Variants in DIPK2A observed in about 807,000 individuals in gnomAD.
DIPK2A encodes divergent protein kinase domain 2A, also known as Golgi Protein of 49 kDa.
In DIPK2A, 27 loss-of-function variants were observed where a neutral mutation model predicts 39.0. The observed-to-expected ratio is 0.69, with a 90% CI of 0.51 to 0.96. The LOEUF (loss-of-function observed/expected upper bound fraction) is 0.96. Among genes scored for constraint, DIPK2A ranks in the 40% least tolerant of loss-of-function variants. The pLI, the probability that DIPK2A is intolerant of heterozygous loss-of-function variation, is 0.00. For missense variants in DIPK2A, 528 were observed against 571.3 expected, an observed-to-expected ratio of 0.92 and a Z score of 0.77; for synonymous variants, 298 against 240.8, an observed-to-expected ratio of 1.24 and a Z score of -2.20.
chr3:143,987,471 A>G (rs1256564079), intron 2 of DIPK2A, among the ~76,000 whole-genome samples: 1 of 152,190 alleles, frequency 6.6e-6, no homozygotes, highest in Non-Finnish European at 1.5e-5. Flanking sequence ...TCCTCTAAAT[A>G]GTCACTTTGC....
In DIPK2A at chr3:143,976,584, G is replaced by GAGAGAGAGAGAGAGAGAGAGAA. The variant is rs3083098; in HGVS notation, c.657+3596_657+3597insGAGAGAGAGAGAGAGAGAGAAA. Among the ~76,000 whole-genome samples, 1,161 of 139,402 alleles carry GAGAGAGAGAGAGAGAGAGAGAA rather than the reference G, an allele frequency of 8.3e-3. 14 individuals carry two copies. The highest frequency in any genetic ancestry group is 0.01 in the Non-Finnish European group (672 of 65,042). 91.5% of individuals were successfully genotyped at this position (139,402 alleles called of 152,430 possible). On this transcript the variant is annotated intron_variant, in intron 1 of 2. Coordinates refer to ENST00000315691, the MANE Select transcript of DIPK2A (RefSeq NM_173552.5). ...AGAGAGAGAGAGAGAGAGAGAGAGA[G>GAGAGAGAGAGAGAGAGAGAGAA]ATGCTGTCTGGATTTGTTGAAGTTC... is the stretch of plus-strand genomic sequence containing the variant.
At chr3:143,986,075 A>G in intron 2 of DIPK2A, 2 of 513,552 alleles carry the variant, frequency 3.9e-6, no homozygotes, top group Admixed American at 3.6e-5. Context: ...TTTGAAATAT[A>G]TCTAACCTAC....
chr3:143,973,215 G>A (rs977274289), intron 1 of DIPK2A: 2 of 1,055,058 alleles, frequency 1.9e-6, no homozygotes, highest in Non-Finnish European at 2.8e-6. Flanking sequence ...AGATTCGGGC[G>A]CATTTCGGAT....
Position 143,985,731 on chromosome 3 carries a change from A to G in DIPK2A, c.846A>G (p.Ala282=), listed in dbSNP as rs2087889533. The change falls in exon 2 of 3, where the codon GCA becomes GCG. Residue 282 remains alanine, a synonymous_variant. Coordinates refer to ENST00000315691, the MANE Select transcript of DIPK2A (RefSeq NM_173552.5). ...TTACAAACAATGACTTTGAATTTGC[A>G]CTCTACCTCCTGGACGTCAGCTTTG... ...EQLTNNDFEF[A]LYLLDVSFDN... 1 of 1,614,118 alleles carries G rather than the reference A, an allele frequency of 6.2e-7. No homozygotes were observed. Among genetic ancestry groups the G allele is most frequent in the African/African-American group, 1.3e-5 (1 of 75,024 alleles).
rs546649499 is a variant in DIPK2A at position 143,976,653 on chromosome 3, T to G, written c.657+3664T>G. Among the ~76,000 whole-genome samples, 6 of 151,720 alleles carry G rather than the reference T, an allele frequency of 4.0e-5. No homozygotes were observed. The East Asian group carries it at 1.2e-3, about 29-fold the overall frequency. ...TATAACCTGGAAGTAGTGAAGATGG[T>G]CTTGTTTGTAGGAAATGGAGAAAGC... On this transcript the variant is annotated intron_variant, in intron 1 of 2. Coordinates refer to ENST00000315691, the MANE Select transcript of DIPK2A (RefSeq NM_173552.5).
At chr3:143,979,198 T>C (rs2087792756) in intron 1 of DIPK2A, among the ~76,000 whole-genome samples, 2 of 152,152 alleles carry the variant, frequency 1.3e-5, no homozygotes, top group Admixed American at 1.3e-4. Flanking sequence ...GTAAATCATA[T>C]GTACCTATTC....
rs887179404 is a variant in DIPK2A at position 143,972,646 on chromosome 3, G to C, written c.314G>C (p.Arg105Pro). 1 of 1,611,158 alleles carries C rather than the reference G, an allele frequency of 6.2e-7. No homozygotes were observed. The highest frequency in any genetic ancestry group is 8.5e-7 in the Non-Finnish European group (1 of 1,179,246). The change falls in exon 1 of 3, where the codon CGC (arginine) becomes CCC (proline). Residue 105 changes from arginine to proline, a missense_variant. This residue lies in a region of DIPK2A where 309 missense variants were observed against 289.8 expected (regional missense o/e 1.07). Transcript: ENST00000315691. ...GGCGAGCCCCGCGAGGGCGGCCGCC[G>C]CCGAGTGGTGCTCAAGCGCCTCGGC... ...QYGEPREGGR[R>P]RVVLKRLGSQ...
intron 1 of DIPK2A, among the ~76,000 whole-genome samples, chr3:143,976,743 T>A (rs1483868889): frequency 1.3e-5 from 2 of 152,066 alleles, no homozygotes; most frequent in East Asian, 1.9e-4. Context: ...TGCCTTAAAT[T>A]TTCTGAATCA....
chr3:143,974,402 A>C (rs554144471), intron 1 of DIPK2A, among the ~76,000 whole-genome samples: 56 of 152,380 alleles, frequency 3.7e-4, no homozygotes, highest in African/African-American at 1.3e-3. Flanking sequence ...GAATGGATGC[A>C]TAAAACTGGT....
chr3:143,977,775 T>C (rs1244931456), intron 1 of DIPK2A, among the ~76,000 whole-genome samples: 1 of 152,092 alleles, frequency 6.6e-6, no homozygotes, highest in Non-Finnish European at 1.5e-5. Flanking sequence ...TTGATTGCTC[T>C]TCAAGATAAT....
intron 1 of DIPK2A, among the ~76,000 whole-genome samples, chr3:143,974,417 C>CT (rs2087702118): frequency 6.6e-6 from 1 of 152,196 alleles, no homozygotes; most frequent in Non-Finnish European, 1.5e-5. Context: ...ACTGGTTAAA[C>CT]TTTCCTTGAA....
intron 1 of DIPK2A, among the ~76,000 whole-genome samples, chr3:143,980,805 C>T (rs1204017115): frequency 6.6e-6 from 1 of 152,042 alleles, no homozygotes; most frequent in African/African-American, 2.4e-5. Flanking sequence ...TATTTTCTCT[C>T]TTAAGGCAAA....
intron 1 of DIPK2A, among the ~76,000 whole-genome samples, chr3:143,973,903 G>A (rs1396102701): frequency 2.6e-5 from 4 of 152,180 alleles, no homozygotes; most frequent in African/African-American, 9.7e-5. Flanking sequence ...TACTTTCGGA[G>A]TATTTGCTTG....
At chr3:143,978,640 C>CTATATATATATATATATATATATA (rs35495369) in intron 1 of DIPK2A, 1 of 117,000 alleles carries the variant, frequency 8.5e-6, no homozygotes, top group Non-Finnish European at 1.8e-5. Flanking sequence ...ATATATATAT[C>CTATATATATATATATATATATATA]TATATATATA....
intron 2 of DIPK2A, among the ~76,000 whole-genome samples, chr3:143,988,694 G>A (rs1277651036): frequency 6.6e-6 from 1 of 152,044 alleles, no homozygotes; most frequent in Non-Finnish European, 1.5e-5. Context: ...CATATGACAT[G>A]CCCACCTAAT....
intron 1 of DIPK2A, among the ~76,000 whole-genome samples, chr3:143,980,700 TTAA>T (rs1261693953): frequency 6.6e-6 from 1 of 152,144 alleles, no homozygotes; most frequent in Non-Finnish European, 1.5e-5. Flanking sequence ...GTATGTTTTA[TTAA>T]TAGTTTTTTT....
chr3:143,973,522 A>G (rs1377181681), intron 1 of DIPK2A: 5 of 1,542,434 alleles, frequency 3.2e-6, no homozygotes, highest in South Asian at 2.4e-5. Context: ...TTCGAGGACA[A>G]GTTGGGGAGG....
Position 143,972,254 on chromosome 3 carries a change from C to T in DIPK2A, c.-79C>T, listed in dbSNP as rs2087660430. On this transcript the variant is annotated 5_prime_UTR_variant, in exon 1 of 3. Coordinates refer to ENST00000315691, the MANE Select transcript of DIPK2A (RefSeq NM_173552.5). Reference sequence around the variant, plus strand: ...CTCCTTCTCTCGCCCGGGGTTCCTGCCGGTAGCTCTCCGGGTCTTGGCGCG... The same window carrying T: ...CTCCTTCTCTCGCCCGGGGTTCCTGTCGGTAGCTCTCCGGGTCTTGGCGCG... 1.6e-6 allele frequency: 2 copies of T among 1,278,406 alleles called. No homozygotes were observed. The highest frequency in any genetic ancestry group is 1.6e-5 in the African/African-American group (1 of 63,504). The allele number at this position is 1,278,406 out of a possible 1,614,324, so 79.2% of individuals were successfully genotyped here. A position where few individuals can be genotyped will look rare whatever the true frequency, so the allele number is the denominator to read the frequency against.
At chr3:143,978,188 A>G (rs1450295048) in intron 1 of DIPK2A, among the ~76,000 whole-genome samples, 11 of 151,722 alleles carry the variant, frequency 7.3e-5, no homozygotes, top group Non-Finnish European at 1.2e-4. Flanking sequence ...TTTTTCTGTC[A>G]TTGCTGCTGA....
Sources: gnomAD v4.1 joint callset for allele counts (sites outside exome capture counted in the v4.1 genomes callset) on GRCh38, gnomAD v4.1.1 for gene constraint, gnomAD v4.1.1 regional missense constraint, MANE v1.5 for transcripts, NCBI Gene and HGNC (gene_info 2026-07-23, HGNC 2026-07-21) for gene names.